CAST: variants seen among roughly 807,000 people sequenced by gnomAD.
The protein encoded by CAST is calpastatin.
Under a neutral mutation model 119.6 loss-of-function variants are expected in CAST, and 76 were observed. The observed-to-expected ratio is 0.64, with a 90% CI of 0.53 to 0.77. The LOEUF (loss-of-function observed/expected upper bound fraction) is 0.77, where lower values mean the gene tolerates loss of function less well. Among genes scored for constraint, CAST ranks in the 30% least tolerant of loss-of-function variants. The pLI, the probability that CAST is intolerant of heterozygous loss-of-function variation, is 0.00. For synonymous variants in CAST, 319 were observed against 331.6 expected, an observed-to-expected ratio of 0.96 and a Z score of 0.41; for missense variants, 953 against 946.5, an observed-to-expected ratio of 1.01 and a Z score of -0.09.
At chr5:96,033,005 A>G in the CAST span, among the ~76,000 whole-genome samples, 1 of 152,182 alleles carries the variant, frequency 6.6e-6, no homozygotes, top group South Asian at 2.1e-4. Flanking sequence ...ACATACAAAA[A>G]TAGTAGCATT....
chr5:96,215,874 C>T, the CAST span, among the ~76,000 whole-genome samples: 1 of 152,196 alleles, frequency 6.6e-6, no homozygotes, highest in Non-Finnish European at 1.5e-5. Context: ...GTAGCATGAT[C>T]TCAGCTCACT....
chr5:96,225,332 G>T, the CAST span, among the ~76,000 whole-genome samples: 1 of 150,860 alleles, frequency 6.6e-6, no homozygotes, highest in Admixed American at 6.6e-5. Flanking sequence ...ACAGATTTAT[G>T]AAAATGTAGA....
the CAST span, among the ~76,000 whole-genome samples, chr5:96,296,573 A>T: frequency 6.6e-6 from 1 of 152,146 alleles, no homozygotes; most frequent in Non-Finnish European, 1.5e-5. Flanking sequence ...GGTCTTTGCT[A>T]TTTTTGTTAC....
chr5:96,209,568 A>G, the CAST span, among the ~76,000 whole-genome samples: 3 of 151,912 alleles, frequency 2.0e-5, no homozygotes, highest in Non-Finnish European at 4.4e-5. Flanking sequence ...TCTCCTTTAC[A>G]TATGAAGTTT....
rs1315874726 is a variant in CAST, at chr5:96,695,859, C to A, written c.162C>A (p.Ser54Arg). The A allele has an allele frequency of 2.5e-6, 4 of 1,612,792 alleles. No homozygotes were observed. The highest frequency in any genetic ancestry group is 3.4e-6 in the Non-Finnish European group (4 of 1,179,216). Residue 54 changes from serine to arginine, a missense_variant, in exon 3 of 32, where the codon AGC (serine) becomes AGA (arginine). Physicochemically the swap from Ser to Arg is moderately radical, Grantham distance 110 (BLOSUM62 -1). Transcript: ENST00000675179. Reference protein sequence around the residue: ...SDEKKAASLGSSQSSRTYAGG... With the variant: ...SDEKKAASLGRSQSSRTYAGG... ...AGAAAAAAGCAGCAAGCCTCGGCAG[C>A]AGTCAATCCTCCAGAACCTATGCTG...
At chr5:96,041,796 G>T in the CAST span, among the ~76,000 whole-genome samples, 1 of 152,006 alleles carries the variant, frequency 6.6e-6, no homozygotes, top group East Asian at 1.9e-4. Context: ...GTTCTCTGGG[G>T]GACGATCTAC....
chr5:96,425,181 C>T, the CAST span, among the ~76,000 whole-genome samples: 1 of 152,138 alleles, frequency 6.6e-6, no homozygotes, highest in South Asian at 2.1e-4. Flanking sequence ...ATAAAATTCT[C>T]AACAACAAAT....
At chr5:96,443,004 A>C in the CAST span, among the ~76,000 whole-genome samples, 1 of 152,000 alleles carries the variant, frequency 6.6e-6, no homozygotes, top group African/African-American at 2.4e-5. Flanking sequence ...AGACTACTGG[A>C]GGTTATTTTC....
the CAST span, among the ~76,000 whole-genome samples, chr5:96,193,733 A>G: frequency 6.6e-6 from 1 of 152,252 alleles, no homozygotes; most frequent in African/African-American, 2.4e-5. Flanking sequence ...AGGTGAAGCT[A>G]GATCGTTTGG....
the CAST span, chr5:96,423,373 A>G: frequency 6.2e-7 from 1 of 1,613,976 alleles, no homozygotes; most frequent in Non-Finnish European, 8.5e-7. Flanking sequence ...CGGTGATAAC[A>G]ACTCCTTTGC....
upstream of CAST, among the ~76,000 whole-genome samples, chr5:96,529,417 G>T (rs1258809290): frequency 1.4e-5 from 2 of 146,432 alleles, no homozygotes; most frequent in Admixed American, 6.8e-5. Context: ...CAGTCTTATT[G>T]CAGTATAATT....
the CAST span, among the ~76,000 whole-genome samples, chr5:96,228,778 T>C: frequency 6.6e-6 from 1 of 152,156 alleles, no homozygotes; most frequent in Non-Finnish European, 1.5e-5. Flanking sequence ...CCTCAAATTC[T>C]TATCCTGAAA....
At chr5:96,474,106 G>A in the CAST span, among the ~76,000 whole-genome samples, 3 of 152,174 alleles carry the variant, frequency 2.0e-5, no homozygotes, top group East Asian at 1.9e-4. Context: ...ATGTGGATCA[G>A]TTAGGGCTTT....
chr5:96,001,466 T>C, the CAST span, among the ~76,000 whole-genome samples: 1 of 152,194 alleles, frequency 6.6e-6, no homozygotes, highest in East Asian at 1.9e-4. Flanking sequence ...TTCAGCCTGC[T>C]AGCTACAACC....
chr5:95,999,794 G>A, the CAST span, among the ~76,000 whole-genome samples: 5 of 152,212 alleles, frequency 3.3e-5, no homozygotes, highest in East Asian at 3.9e-4. Context: ...GGATCATTTC[G>A]TAGTTTTATG....
At chr5:96,084,934 C>A in the CAST span, among the ~76,000 whole-genome samples, 1 of 152,354 alleles carries the variant, frequency 6.6e-6, no homozygotes, top group Admixed American at 6.5e-5. Flanking sequence ...ATGCTCACTA[C>A]TGTATATGGC....
At chr5:96,446,690 G>A in the CAST span, among the ~76,000 whole-genome samples, 2 of 152,306 alleles carry the variant, frequency 1.3e-5, no homozygotes, top group African/African-American at 4.8e-5. Flanking sequence ...TTTCTTTTGA[G>A]CAGCAAGAAG....
chr5:96,612,567 G>C (rs7736961), intron 1 of CAST, among the ~76,000 whole-genome samples: 37,886 of 151,958 alleles, frequency 0.25, 5,368 homozygotes, highest in African/African-American at 0.38. Flanking sequence ...ATACATACCC[G>C]CTGAATCTAA....
the CAST span, among the ~76,000 whole-genome samples, chr5:96,216,359 A>T: frequency 6.6e-6 from 1 of 152,204 alleles, no homozygotes; most frequent in African/African-American, 2.4e-5. Context: ...ATCCAACCTC[A>T]CACGGGTAAG....
Sources: gnomAD v4.1 joint callset for allele counts (sites outside exome capture counted in the v4.1 genomes callset) on GRCh38, gnomAD v4.1.1 for gene constraint, MANE v1.5 for transcripts, NCBI Gene and HGNC (gene_info 2026-07-23, HGNC 2026-07-21) for gene names.